KIF11: variants seen among roughly 807,000 people sequenced by gnomAD.
KIF11 encodes the protein kinesin family member 11, also known as kinesin-like protein KIF11.
In KIF11, 9 loss-of-function variants were observed where a neutral mutation model predicts 121.0. The observed-to-expected ratio is 0.07, with a 90% CI of 0.04 to 0.13. The LOEUF (loss-of-function observed/expected upper bound fraction) is 0.13, where lower values mean the gene tolerates loss of function less well. KIF11 is among the 10% of genes least tolerant of loss of function. The pLI is 1.00. For synonymous variants in KIF11, 408 were observed against 421.0 expected (o/e 0.97, Z 0.38); for missense variants, 846 against 1,217.5 (o/e 0.69, Z 4.54).
chr10:92,649,962 AAAC>A lies in KIF11; in HGVS notation c.2904_2906del (p.Asn968del). ...TGTTAATGATGCTAAACTGTTCAGA[AAAC>A]AACAAAGAAGAGACAATTCCGGTAA... is the stretch of plus-strand genomic sequence containing the variant. On this transcript the variant is annotated inframe_deletion, in exon 20 of 22. Coordinates refer to ENST00000260731, the MANE Select transcript of KIF11 (RefSeq NM_004523.4). 6.2e-7 allele frequency: 1 copy of A among 1,612,046 alleles called. No individual in the cohort carries two copies. Among genetic ancestry groups the A allele is most frequent in the Non-Finnish European group, 8.5e-7 (1 of 1,178,700 alleles).
intron 6 of KIF11, among the ~76,000 whole-genome samples, chr10:92,611,183 G>T (rs554898443): frequency 2.0e-5 from 3 of 151,996 alleles, no homozygotes; most frequent in South Asian, 2.1e-4. Context: ...GTAGATAATG[G>T]TAGAAAAACA....
intron 6 of KIF11, among the ~76,000 whole-genome samples, chr10:92,610,852 T>G (rs750844660): frequency 2.7e-4 from 41 of 152,262 alleles, no homozygotes; most frequent in Middle Eastern, 6.8e-3. Context: ...TCATGGAATT[T>G]TGGATGATTT....
At chr10:92,616,587 G>A (rs1844559820) in intron 8 of KIF11, 150 bp from the exon 9 acceptor site, 1 of 465,318 alleles carries the variant, frequency 2.1e-6, no homozygotes, top group Admixed American at 3.8e-5. Context: ...CCTTTTTAAA[G>A]GTTGGGCATA....
At chr10:92,640,378 A>G (rs1314658035) in intron 17 of KIF11, among the ~76,000 whole-genome samples, 2 of 152,192 alleles carry the variant, frequency 1.3e-5, no homozygotes, top group South Asian at 2.1e-4. Flanking sequence ...AATATTTGCT[A>G]TCTGGCTTTT....
intron 3 of KIF11, 32 bp downstream of exon 3, chr10:92,606,748 A>G: frequency 9.8e-7 from 1 of 1,022,642 alleles, no homozygotes; most frequent in Non-Finnish European, 1.5e-6. Flanking sequence ...CTGATTTATG[A>G]AAAAGCTTAA....
intron 17 of KIF11, among the ~76,000 whole-genome samples, chr10:92,640,831 C>G (rs1844857279): frequency 6.6e-6 from 1 of 152,096 alleles, no homozygotes; most frequent in Non-Finnish European, 1.5e-5. Flanking sequence ...ACTGCAACCT[C>G]TGCCTCCTGA....
chr10:92,594,505 G>A (rs1041464380), intron 1 of KIF11, among the ~76,000 whole-genome samples: 1 of 152,168 alleles, frequency 6.6e-6, no homozygotes, highest in Non-Finnish European at 1.5e-5. Context: ...CATATAACAA[G>A]TGCAAATTTT....
At chr10:92,637,094 G>T in intron 14 of KIF11, 90 bp from the exon 15 acceptor site, 1 of 915,712 alleles carries the variant, frequency 1.1e-6, no homozygotes. Context: ...TGAATGTTTA[G>T]CTACCAAAGT....
Position 92,653,813 on chromosome 10 carries a change from C to A in KIF11, c.*17C>A, listed in dbSNP as rs1003339964. The stretch of plus-strand genomic sequence containing the variant: ...AACCTTTAATTCACTTGGGGGTTGG[C>A]AATTTTATTTTTAAAGAAAACTTAA... On this transcript the variant is annotated 3_prime_UTR_variant, in exon 22 of 22. Transcript: ENST00000260731. The A allele has an allele frequency of 1.3e-6, 2 of 1,591,026 alleles. No individual in the cohort carries two copies. Among genetic ancestry groups the A allele is most frequent in the South Asian group, 2.3e-5 (2 of 87,304 alleles).
rs747754478 is a variant in KIF11 at position 92,637,382 on chromosome 10, C to T, written c.2002-5C>T. 6 of 1,577,606 alleles carry T rather than the reference C, an allele frequency of 3.8e-6. No homozygotes were observed. In the East Asian group the frequency reaches 6.8e-5, roughly 18 times the overall value. On this transcript the variant is annotated splice_polypyrimidine_tract_variant and splice_region_variant and intron_variant, in intron 15 of 21. Transcript: ENST00000260731. Reference sequence around the variant, plus strand: ...AGAAGGAAACTCATTTTTGTTTCTTCAAAGATAGAAGATCAAAAAAAGGAA... The same window carrying T: ...AGAAGGAAACTCATTTTTGTTTCTTTAAAGATAGAAGATCAAAAAAAGGAA...
In KIF11 at chr10:92,601,430, C is replaced by T. The variant is rs564980547; in HGVS notation, c.78-4835C>T. 4.0e-5 allele frequency among the ~76,000 whole-genome samples: 6 copies of T among 149,014 alleles called. No homozygotes were observed. In the South Asian group the frequency reaches 1.1e-3, roughly 27 times the overall value. ...TTCGCCGTTTTAGCCAGGCTGGTCT[C>T]GATCTCCTGACCTCGCGATCCGCCT... On this transcript the variant is annotated intron_variant, in intron 1 of 21. Coordinates refer to ENST00000260731, the MANE Select transcript of KIF11 (RefSeq NM_004523.4).
chr10:92,639,919 C>T lies in KIF11; in HGVS notation c.2267+19C>T, dbSNP rs1376837182. 2 of 1,305,650 alleles carry T rather than the reference C, an allele frequency of 1.5e-6. No homozygotes were observed. The highest frequency in any genetic ancestry group is 1.1e-6 in the Non-Finnish European group (1 of 917,322). The allele number at this position is 1,305,650 out of a possible 1,614,324, so 80.9% of individuals were successfully genotyped here. A position where few individuals can be genotyped will look rare whatever the true frequency, so the allele number is the denominator to read the frequency against. The stretch of plus-strand genomic sequence containing the variant: ...TACAGCAGTAAGCTATTTTTAAATT[C>T]TCTTAAACTTTTCTGTAAGTCTGAA... On this transcript the variant is annotated intron_variant, in intron 17 of 21. Coordinates refer to ENST00000260731, the MANE Select transcript of KIF11 (RefSeq NM_004523.4).
Position 92,649,684 on chromosome 10 carries a change from A to T in KIF11, c.2771-151A>T, listed in dbSNP as rs528129475. ...TAGAAAGTATTGTTAGTTGCAAACA[A>T]TGTCTGACAGGTAGCAAGACTGATC... On this transcript the variant is annotated intron_variant, in intron 19 of 21. Transcript: ENST00000260731. 9.7e-4 allele frequency: 534 copies of T among 548,558 alleles called. 1 individual carries two copies. The highest frequency in any genetic ancestry group is 1.5e-3 in the Non-Finnish European group (455 of 305,410). The allele number at this position is 548,558 out of a possible 1,614,324, so 34.0% of individuals were successfully genotyped here.
chr10:92,637,074 A>C lies in KIF11; in HGVS notation c.1876-110A>C, dbSNP rs1844811419. 7 of 855,558 alleles carry C rather than the reference A, an allele frequency of 8.2e-6. No individual in the cohort carries two copies. The South Asian group carries it at 1.4e-4, about 17-fold the overall frequency. 53.0% of individuals were successfully genotyped at this position (855,558 alleles called of 1,614,324 possible). A position where few individuals can be genotyped will look rare whatever the true frequency, so the allele number is the denominator to read the frequency against. ...AAAAAGAATGGAGAATGGAAATGTA[A>C]ATTTTAATGTGAATGTTTAGCTACC... On this transcript the variant is annotated intron_variant, in intron 14 of 21. Coordinates refer to ENST00000260731, the MANE Select transcript of KIF11 (RefSeq NM_004523.4).
Position 92,605,882 on chromosome 10 carries a change from A to G in KIF11, c.78-383A>G, listed in dbSNP as rs554007601. 2.6e-5 allele frequency among the ~76,000 whole-genome samples: 4 copies of G among 152,238 alleles called. No individual in the cohort carries two copies. The East Asian group carries it at 5.8e-4, about 22-fold the overall frequency. On this transcript the variant is annotated intron_variant, in intron 1 of 21. Coordinates refer to ENST00000260731, the MANE Select transcript of KIF11 (RefSeq NM_004523.4). ...TGTTAGTGGCTGGGCACAGTGTCTC[A>G]CTTCTGTAATACTAGCACCTTGGGA... is the stretch of plus-strand genomic sequence containing the variant.
At chr10:92,623,006 A>G (rs1844635085) in intron 10 of KIF11, among the ~76,000 whole-genome samples, 1 of 152,228 alleles carries the variant, frequency 6.6e-6, no homozygotes. Flanking sequence ...TCACTCGGTT[A>G]TCTCCCATCA....
At chr10:92,631,940 G>A (rs11187107) in intron 12 of KIF11, among the ~76,000 whole-genome samples, 44,603 of 151,980 alleles carry the variant, frequency 0.29, 7,868 homozygotes, top group East Asian at 0.67. Context: ...CTCCCAGAGC[G>A]TTGGGATTAC....
chr10:92,645,537 G>C lies in KIF11; in HGVS notation c.2442G>C (p.Glu814Asp). 6.2e-7 allele frequency: 1 copy of C among 1,613,634 alleles called. No homozygotes were observed. Residue 814 changes from glutamate (E) to aspartate (D), a missense_variant, in exon 18 of 22, where the codon GAG (glutamate) becomes GAC (aspartate). Coordinates refer to ENST00000260731, the MANE Select transcript of KIF11 (RefSeq NM_004523.4). ...LNGNLEKISQ[E>D]TEQRCESLNT... ...GCAACCTGGAAAAAATATCTCAAGAGACTGAACAGAGATGTGAATCTCTGA... is the reference window on the plus strand; with the variant it reads ...GCAACCTGGAAAAAATATCTCAAGACACTGAACAGAGATGTGAATCTCTGA...
At position 92,613,274 on chromosome 10, in the gene KIF11, T is replaced by A; in HGVS notation, c.790-103T>A. The stretch of plus-strand genomic sequence containing the variant: ...AGAAATTTGTTAATTACAGAAAAAA[T>A]TATTTTGCTGGCGATTTAATACATT... On this transcript the variant is annotated intron_variant, in intron 7 of 21. Transcript: ENST00000260731. The surrounding 1 kb of genome is among the most constrained non-coding windows in gnomAD (Gnocchi z 4.2). 9.1e-7 allele frequency: 1 copy of A among 1,102,296 alleles called. No homozygotes were observed. The highest frequency in any genetic ancestry group is 1.3e-6 in the Non-Finnish European group (1 of 779,488). The allele number at this position is 1,102,296 out of a possible 1,614,324, so 68.3% of individuals were successfully genotyped here. A position where few individuals can be genotyped will look rare whatever the true frequency, so the allele number is the denominator to read the frequency against.
Sources: allele counts gnomAD v4.1 joint callset (sites outside exome capture counted in the v4.1 genomes callset), GRCh38; gene constraint gnomAD v4.1.1; non-coding constraint Gnocchi (gnomAD v3.1); transcripts MANE v1.5; gene names NCBI Gene and HGNC (gene_info 2026-07-23, HGNC 2026-07-21).